Variants in SLMAP observed in about 807,000 individuals in gnomAD.
SLMAP encodes the protein sarcolemmal membrane-associated protein.
SLMAP carries 44 observed loss-of-function variants against 128.8 expected under a neutral mutation model. The observed-to-expected ratio is 0.34, with a 90% CI of 0.27 to 0.44. SLMAP has a LOEUF of 0.44. SLMAP is among the 20% of genes least tolerant of loss of function. The pLI, the probability that SLMAP is intolerant of heterozygous loss-of-function variation, is 1.00. For missense variants in SLMAP, 787 were observed against 985.3 expected, an observed-to-expected ratio of 0.80 and a Z score of 2.69; for synonymous variants, 327 against 348.8, an observed-to-expected ratio of 0.94 and a Z score of 0.70.
At chr3:57,925,334 C>CTTT (rs11450622) in intron 23 of SLMAP, among the ~76,000 whole-genome samples, 2 of 120,044 alleles carry the variant, frequency 1.7e-5, no homozygotes, top group South Asian at 2.9e-4. Context: ...GTTTCTTTCT[C>CTTT]TTTTTTTTTT....
intron 19 of SLMAP, among the ~76,000 whole-genome samples, chr3:57,911,127 A>C (rs1393117744): frequency 6.6e-6 from 1 of 152,048 alleles, no homozygotes; most frequent in Non-Finnish European, 1.5e-5. Flanking sequence ...TTTTTCCTAA[A>C]GGTTCTGTGA....
At chr3:57,872,506 C>T (rs2153619642) in intron 14 of SLMAP, among the ~76,000 whole-genome samples, 1 of 152,198 alleles carries the variant, frequency 6.6e-6, no homozygotes, top group African/African-American at 2.4e-5. Flanking sequence ...ATAATCCCAG[C>T]TTCTTGGGAG....
chr3:57,858,981 G>T (rs1400235314), intron 8 of SLMAP, among the ~76,000 whole-genome samples: 1 of 152,152 alleles, frequency 6.6e-6, no homozygotes, highest in East Asian at 1.9e-4. Context: ...CAAAAATAAT[G>T]ATGTAATTCT....
At chr3:57,762,752 G>T (rs1426919986) in intron 2 of SLMAP, among the ~76,000 whole-genome samples, 1 of 123,096 alleles carries the variant, frequency 8.1e-6, no homozygotes, top group Non-Finnish European at 1.6e-5. Context: ...GTCTTGCCCT[G>T]TCTCCCAGGC....
intron 9 of SLMAP, 47 bp from the exon 10 acceptor site, chr3:57,861,902 A>C: frequency 6.6e-7 from 1 of 1,521,986 alleles, no homozygotes; most frequent in Non-Finnish European, 9.0e-7. Flanking sequence ...TCTAAATAAC[A>C]AATATACACT....
At chr3:57,838,232 T>C (rs1027945229) in intron 3 of SLMAP, among the ~76,000 whole-genome samples, 2 of 152,258 alleles carry the variant, frequency 1.3e-5, no homozygotes, top group Non-Finnish European at 2.9e-5. Flanking sequence ...TATGCTCCTG[T>C]ATTTATTATA....
At chr3:57,803,330 C>G (rs1293985154) in intron 2 of SLMAP, among the ~76,000 whole-genome samples, 1 of 152,106 alleles carries the variant, frequency 6.6e-6, no homozygotes, top group East Asian at 1.9e-4. Flanking sequence ...TGCATGTACT[C>G]TAGTGAATAA....
At chr3:57,903,206 G>T (rs956954441) in intron 17 of SLMAP, among the ~76,000 whole-genome samples, 1 of 152,126 alleles carries the variant, frequency 6.6e-6, no homozygotes, top group Non-Finnish European at 1.5e-5. Context: ...TGGCAAAGGG[G>T]TAAGAATTGA....
chr3:57,924,957 G>GTTTTTTTTTTTTTT (rs547751743), intron 23 of SLMAP, among the ~76,000 whole-genome samples: 3 of 136,822 alleles, frequency 2.2e-5, no homozygotes, highest in Non-Finnish European at 1.6e-5. Context: ...TTTGTTTTTT[G>GTTTTTTTTTTTTTT]TTTTTTTTTT....
intron 2 of SLMAP, among the ~76,000 whole-genome samples, chr3:57,828,734 A>T (rs765043005): frequency 6.6e-6 from 1 of 152,204 alleles, no homozygotes; most frequent in Non-Finnish European, 1.5e-5. Context: ...TTGGACGGTA[A>T]TATAGACATG....
intron 2 of SLMAP, among the ~76,000 whole-genome samples, chr3:57,821,019 A>G (rs1257327677): frequency 6.6e-6 from 1 of 152,202 alleles, no homozygotes; most frequent in African/African-American, 2.4e-5. Context: ...TCAGAAATCT[A>G]ATTTACTTTG....
intron 13 of SLMAP, among the ~76,000 whole-genome samples, chr3:57,870,941 T>C (rs2095467316): frequency 1.3e-5 from 2 of 152,260 alleles, no homozygotes; most frequent in African/African-American, 4.8e-5. Flanking sequence ...CTGAAACTTT[T>C]ATTTAACCAC....
intron 3 of SLMAP, among the ~76,000 whole-genome samples, chr3:57,838,345 G>A: frequency 6.6e-6 from 1 of 152,192 alleles, no homozygotes; most frequent in East Asian, 1.9e-4. Context: ...AAAGGAGAAA[G>A]CTAGGTGGTT....
intron 2 of SLMAP, among the ~76,000 whole-genome samples, chr3:57,824,618 G>A (rs964155941): frequency 3.3e-5 from 5 of 152,054 alleles, no homozygotes; most frequent in East Asian, 1.9e-4. Flanking sequence ...ATATCTGTCC[G>A]TATGCCGGTA....
chr3:57,768,034 A>G (rs1178601534), intron 2 of SLMAP, among the ~76,000 whole-genome samples: 1 of 152,238 alleles, frequency 6.6e-6, no homozygotes, highest in Non-Finnish European at 1.5e-5. Flanking sequence ...GCTTGCATTC[A>G]GGCAAACTGA....
intron 14 of SLMAP, among the ~76,000 whole-genome samples, chr3:57,877,904 G>A (rs1011623874): frequency 4.9e-5 from 7 of 142,324 alleles, no homozygotes; most frequent in Non-Finnish European, 1.0e-4. Flanking sequence ...GCGTGATCTC[G>A]ACTCACTGCA....
chr3:57,869,630 T>TTATATGTATGTATATATATATATA (rs1553900185), intron 13 of SLMAP, among the ~76,000 whole-genome samples: 11 of 75,466 alleles, frequency 1.5e-4, no homozygotes, highest in African/African-American at 4.5e-4. Context: ...CCCATCTCTA[T>TTATATGTATGTATATATATATATA]TATATATATA....
chr3:57,764,263 AG>A (rs1171336450), intron 2 of SLMAP, among the ~76,000 whole-genome samples: 1 of 152,132 alleles, frequency 6.6e-6, no homozygotes, highest in Non-Finnish European at 1.5e-5. Context: ...GCACTTTGGG[AG>A]GCCGAGATGG....
chr3:57,912,622 C>T lies in SLMAP; in HGVS notation c.1941C>T (p.Ile647=), dbSNP rs1259539379. Residue 647 remains isoleucine (I), a synonymous_variant, in exon 20 of 25, where the codon ATC becomes ATT. Coordinates refer to ENST00000671191, the MANE Select transcript of SLMAP (RefSeq NM_001377540.1). ...RKAASEYEKE[I]TSLQNSFQLR... is the part of the protein sequence containing the mutation. The stretch of plus-strand genomic sequence containing the variant: ...CAGCGTCTGAATATGAGAAAGAAAT[C>T]ACAAGTCTGCAAAACAGTTTTCAGC... 2.5e-6 allele frequency: 4 copies of T among 1,613,978 alleles called. No individual in the cohort carries two copies. Among genetic ancestry groups the T allele is most frequent in the East Asian group, 2.2e-5 (1 of 44,894 alleles).
Sources: allele counts gnomAD v4.1 joint callset (sites outside exome capture counted in the v4.1 genomes callset), GRCh38; gene constraint gnomAD v4.1.1; transcripts MANE v1.5; gene names NCBI Gene and HGNC (gene_info 2026-07-23, HGNC 2026-07-21).